Variants in CAPN13 observed in about 807,000 individuals in gnomAD.
CAPN13 encodes calpain 13, also known as calpain-13.
A neutral mutation model predicts 98.4 loss-of-function variants in CAPN13; 90 were observed. The observed-to-expected ratio is 0.92, with a 90% CI of 0.77 to 1.09. CAPN13 has a LOEUF of 1.09. Among genes scored for constraint, CAPN13 ranks in the 50% least tolerant of loss-of-function variants. The pLI, the probability that CAPN13 is intolerant of heterozygous loss-of-function variation, is 0.00. For synonymous variants in CAPN13, 330 were observed against 305.5 expected (o/e 1.08, Z -0.84); for missense variants, 887 against 841.3 (o/e 1.05, Z -0.67).
intron 5 of CAPN13, among the ~76,000 whole-genome samples, chr2:30,766,230 G>A (rs528343177): frequency 1.3e-5 from 2 of 152,352 alleles, no homozygotes; most frequent in East Asian, 3.9e-4. Flanking sequence ...AAAAGCCGCG[G>A]TGGGGCCTGG....
At chr2:30,799,496 C>G (rs1482705790) in intron 1 of CAPN13, among the ~76,000 whole-genome samples, 2 of 152,158 alleles carry the variant, frequency 1.3e-5, no homozygotes, top group Admixed American at 1.3e-4. Context: ...GCTCACTTTG[C>G]AGAAGGGGAA....
chr2:30,745,313 T>C, intron 12 of CAPN13: 1 of 482,628 alleles, frequency 2.1e-6, no homozygotes, highest in Non-Finnish European at 4.3e-6. Context: ...AGGATGTACC[T>C]TGAAGCTGCA....
At chr2:30,798,384 T>G (rs2148105609) in intron 1 of CAPN13, among the ~76,000 whole-genome samples, 1 of 152,182 alleles carries the variant, frequency 6.6e-6, no homozygotes, top group Non-Finnish European at 1.5e-5. Context: ...ATTGGGCAGA[T>G]CCCTTCCAAC....
chr2:30,762,550 G>T (rs1222977995), intron 7 of CAPN13, among the ~76,000 whole-genome samples: 1 of 152,154 alleles, frequency 6.6e-6, no homozygotes, highest in South Asian at 2.1e-4. Context: ...TCCCCTGGCT[G>T]GGAGATGAGG....
chr2:30,751,174 T>C lies in CAPN13; in HGVS notation c.1165A>G (p.Thr389Ala). The change falls in exon 11 of 23, where the codon ACA becomes GCA. Residue 389 changes from threonine (T) to alanine (A), a missense_variant. Coordinates refer to ENST00000295055, the MANE Select transcript of CAPN13 (RefSeq NM_144575.3). The part of the protein sequence containing the change: ...MEGTNVVVCV[T>A]VAVTPSNLKA... ...AAATTTGATGGTGTGACAGCAACTGTGACGCACACGACAACATTGGTGCCT... is the reference window on the plus strand; with the variant it reads ...AAATTTGATGGTGTGACAGCAACTGCGACGCACACGACAACATTGGTGCCT... The C allele has an allele frequency of 6.2e-7, 1 of 1,613,988 alleles. No homozygotes were observed. Among genetic ancestry groups the C allele is most frequent in the Non-Finnish European group, 8.5e-7 (1 of 1,179,870 alleles).
rs894165618 is a variant in CAPN13, at chr2:30,786,042, G to A, written c.198+1086C>T. Among the ~76,000 whole-genome samples the A allele has an allele frequency of 1.6e-4, 24 of 151,554 alleles. 2 individuals are homozygous for A. The highest frequency in any genetic ancestry group is 8.5e-4 in the Admixed American group (13 of 15,220). ...CCCAACGTAGGGCAAGAGGTGTGTC[G>A]CCTCCCAGAGCCTGATGTCTTCAGT... On this transcript the variant is annotated intron_variant, in intron 2 of 22. Transcript: ENST00000295055.
In CAPN13 at chr2:30,764,330, C is replaced by T. The variant is rs776273461; in HGVS notation, c.525-24G>A. The T allele has an allele frequency of 3.1e-6, 5 of 1,610,186 alleles. No homozygotes were observed. In the East Asian group the frequency reaches 6.7e-5, roughly 22 times the overall value. On this transcript the variant is annotated intron_variant, in intron 5 of 22. Transcript: ENST00000295055. ...GCCTGGGAGGGAATGGGGGATGAAC[C>T]ATCGTGGTGCCTTTGGTGAGATGCT...
chr2:30,779,834 G>T (rs1673896452), intron 2 of CAPN13, among the ~76,000 whole-genome samples: 1 of 152,038 alleles, frequency 6.6e-6, no homozygotes, highest in Non-Finnish European at 1.5e-5. Context: ...GCCATTGAAA[G>T]TAATGGCCAA....
At chr2:30,760,441 G>T (rs1282622848) in intron 7 of CAPN13, among the ~76,000 whole-genome samples, 1 of 150,162 alleles carries the variant, frequency 6.7e-6, no homozygotes, top group Non-Finnish European at 1.5e-5. Context: ...CAGTGGGCAT[G>T]GTGGGGAGAA....
chr2:30,764,098 T>G, intron 6 of CAPN13, 34 bp downstream of exon 6: 2 of 1,543,344 alleles, frequency 1.3e-6, no homozygotes, highest in African/African-American at 1.4e-5. Context: ...GAGGAAAGCT[T>G]GAACTGGTGC....
At chr2:30,751,048 C>A in intron 11 of CAPN13, 55 bp downstream of exon 11, 1 of 1,587,010 alleles carries the variant, frequency 6.3e-7, no homozygotes, top group Non-Finnish European at 8.6e-7. Flanking sequence ...TTCTCCCCAA[C>A]TCAAGGTTTA....
At chr2:30,789,078 C>T (rs572431728) in intron 1 of CAPN13, among the ~76,000 whole-genome samples, 10 of 151,988 alleles carry the variant, frequency 6.6e-5, no homozygotes, top group Non-Finnish European at 1.0e-4. Flanking sequence ...AGAATAATGG[C>T]ACAAAATATT....
intron 1 of CAPN13, among the ~76,000 whole-genome samples, chr2:30,800,512 G>T (rs926529791): frequency 6.6e-6 from 1 of 152,190 alleles, no homozygotes; most frequent in Non-Finnish European, 1.5e-5. Flanking sequence ...AATCTGTGAA[G>T]CTCCACTAAA....
At chr2:30,772,013 C>G (rs1198901246) in intron 4 of CAPN13, among the ~76,000 whole-genome samples, 2 of 152,220 alleles carry the variant, frequency 1.3e-5, no homozygotes, top group Non-Finnish European at 2.9e-5. Flanking sequence ...TAAGTCCCGG[C>G]TCGAATGAGC....
At chr2:30,797,220 T>G (rs940380967) in intron 1 of CAPN13, among the ~76,000 whole-genome samples, 1 of 152,176 alleles carries the variant, frequency 6.6e-6, no homozygotes, top group African/African-American at 2.4e-5. Flanking sequence ...ATAATCCTGC[T>G]GTAAGAGAGC....
At chr2:30,802,460 T>C (rs1675336094) in intron 1 of CAPN13, among the ~76,000 whole-genome samples, 1 of 127,408 alleles carries the variant, frequency 7.8e-6, no homozygotes, top group East Asian at 2.8e-4. Flanking sequence ...TGTGTGTGTG[T>C]GTATGTGTGT....
chr2:30,725,953 A>T (rs1344679657), intron 22 of CAPN13, among the ~76,000 whole-genome samples: 2 of 152,320 alleles, frequency 1.3e-5, no homozygotes, highest in Admixed American at 1.3e-4. Context: ...AGGGGAAGAA[A>T]ATAGAGAATA....
chr2:30,768,043 G>A (rs72867163), intron 5 of CAPN13, among the ~76,000 whole-genome samples: 2,289 of 152,236 alleles, frequency 0.015, 66 homozygotes, highest in African/African-American at 0.052. Flanking sequence ...TCTCCTCAAG[G>A]GCATGGTCCT....
At chr2:30,772,087 C>A (rs1439015441) in intron 4 of CAPN13, among the ~76,000 whole-genome samples, 1 of 152,162 alleles carries the variant, frequency 6.6e-6, no homozygotes, top group African/African-American at 2.4e-5. Flanking sequence ...GTAATGCTGA[C>A]CAAACTTGCT....
Sources: allele counts gnomAD v4.1 joint callset (sites outside exome capture counted in the v4.1 genomes callset), GRCh38; gene constraint gnomAD v4.1.1; transcripts MANE v1.5; gene names NCBI Gene and HGNC (gene_info 2026-07-23, HGNC 2026-07-21).